The following KIF5C variants were observed in gnomAD, a reference collection of about 807,000 sequenced individuals.
The protein encoded by KIF5C is kinesin heavy chain isoform 5C.
Under a neutral mutation model 125.2 loss-of-function variants are expected in KIF5C, and 18 were observed. That is an observed-to-expected ratio of 0.14 (90% CI 0.10 to 0.21). The LOEUF (loss-of-function observed/expected upper bound fraction) is 0.21. Ranked by LOEUF, KIF5C falls within the 10% of genes least tolerant of loss-of-function variation. KIF5C has a pLI of 1.00. For missense variants in KIF5C, 780 were observed against 1,183.8 expected (o/e 0.66, Z 5.01); for synonymous variants, 405 against 434.0 (o/e 0.93, Z 0.83).
At chr2:148,981,333 C>T (rs374376486) in intron 13 of KIF5C, 22 bp from the exon 14 acceptor site, 3 of 1,592,506 alleles carry the variant, frequency 1.9e-6, no homozygotes, top group Non-Finnish European at 2.6e-6. Context: ...TTCACAAGTT[C>T]CATGCCATCT....
intron 14 of KIF5C, 112 bp downstream of exon 14, chr2:148,981,673 A>G: frequency 6.9e-7 from 1 of 1,442,072 alleles, no homozygotes; most frequent in Non-Finnish European, 9.1e-7. Flanking sequence ...ATAGTTATTC[A>G]GTGTTAGATG....
At chr2:148,979,639 C>G (rs1039233801) in intron 13 of KIF5C, among the ~76,000 whole-genome samples, 2 of 152,154 alleles carry the variant, frequency 1.3e-5, no homozygotes, top group African/African-American at 4.8e-5. Flanking sequence ...AGTCCTACTT[C>G]AGTTTTGCAA....
chr2:148,921,979 T>C (rs774364627), intron 1 of KIF5C, among the ~76,000 whole-genome samples, 158 bp from the exon 2 acceptor site: 1 of 152,266 alleles, frequency 6.6e-6, no homozygotes, highest in Non-Finnish European at 1.5e-5. Flanking sequence ...GTGTGGTTTA[T>C]GCTGTAAAAA....
In KIF5C at chr2:148,933,834, CAT is replaced by C. The variant is rs1682229304; in HGVS notation, c.292-3449_292-3448del. ...CACACAGACATATGCACACCAAACA[CAT>C]GTACACACACAGACACACCACACAC... On this transcript the variant is annotated intron_variant, in intron 3 of 25. Coordinates refer to ENST00000435030, the MANE Select transcript of KIF5C (RefSeq NM_004522.3). Among the ~76,000 whole-genome samples the C allele has an allele frequency of 1.3e-4, 20 of 151,366 alleles. No individual in the cohort carries two copies. The South Asian group carries it at 4.2e-3, about 32-fold the overall frequency.
intron 11 of KIF5C, among the ~76,000 whole-genome samples, chr2:148,966,999 A>G (rs1343728332): frequency 6.6e-6 from 1 of 152,198 alleles, no homozygotes; most frequent in Admixed American, 6.5e-5. Context: ...TAGCAGCTCC[A>G]GGTAAGACAG....
intron 25 of KIF5C, among the ~76,000 whole-genome samples, chr2:149,015,655 G>A (rs143455318): frequency 5.3e-5 from 8 of 152,312 alleles, no homozygotes; most frequent in Non-Finnish European, 1.0e-4. Flanking sequence ...TGCTGGCTTT[G>A]ATCTTATCTG....
At chr2:148,964,483 C>T (rs562338365) in intron 11 of KIF5C, among the ~76,000 whole-genome samples, 5 of 152,262 alleles carry the variant, frequency 3.3e-5, no homozygotes, top group African/African-American at 1.2e-4. Context: ...GATGTGGTCT[C>T]TTCCCTCAGG....
chr2:148,946,427 T>C (rs1314052306), intron 7 of KIF5C, among the ~76,000 whole-genome samples: 2 of 152,228 alleles, frequency 1.3e-5, no homozygotes, highest in African/African-American at 2.4e-5. Flanking sequence ...GTCTTAATCC[T>C]TCCTTAGGAA....
intron 18 of KIF5C, chr2:148,998,165 G>T: frequency 1.7e-6 from 1 of 599,786 alleles, no homozygotes; most frequent in Non-Finnish European, 2.9e-6. Context: ...TTTTTATTTA[G>T]TTGGTGGGCT....
In KIF5C at chr2:148,875,575, G is replaced by GCCCCCCCCCCCC; in HGVS notation, c.-37_-36insCCCCCCCCCCCC. 1.1e-5 allele frequency: 8 copies of GCCCCCCCCCCCC among 699,598 alleles called. No homozygotes were observed. Among genetic ancestry groups the GCCCCCCCCCCCC allele is most frequent in the African/African-American group, 1.8e-5 (1 of 55,562 alleles). The allele number at this position is 699,598 out of a possible 1,614,324, so 43.3% of individuals were successfully genotyped here. On this transcript the variant is annotated 5_prime_UTR_variant, in exon 1 of 26. Coordinates refer to ENST00000435030, the MANE Select transcript of KIF5C (RefSeq NM_004522.3). Reference sequence around the variant, plus strand: ...TCCTCCCTCGTCGTTCCCGGCCCCGGCCCCCCACCCATCCCCGTGCCCCCT... The same window carrying GCCCCCCCCCCCC: ...TCCTCCCTCGTCGTTCCCGGCCCCGGCCCCCCCCCCCCCCCCCCACCCATCCCCGTGCCCCCT...
At chr2:149,019,920 A>T (rs1251968846) in intron 25 of KIF5C, among the ~76,000 whole-genome samples, 1 of 152,180 alleles carries the variant, frequency 6.6e-6, no homozygotes, top group Non-Finnish European at 1.5e-5. Context: ...AAATCTGGTC[A>T]CACGTTGCCA....
At chr2:148,892,718 A>ACAGAGAAAGGATT (rs1681743426) in intron 1 of KIF5C, among the ~76,000 whole-genome samples, 1 of 152,222 alleles carries the variant, frequency 6.6e-6, no homozygotes, top group Non-Finnish European at 1.5e-5. Context: ...GGACCTGTCC[A>ACAGAGAAAGGATT]CAGAGAAAGG....
chr2:149,009,018 C>G (rs1682100897), intron 23 of KIF5C, among the ~76,000 whole-genome samples: 1 of 132,766 alleles, frequency 7.5e-6, no homozygotes, highest in Admixed American at 8.2e-5. Flanking sequence ...GAGGCAGAGT[C>G]TTGCTCTGTC....
At chr2:148,982,799 A>G (rs957327066) in intron 14 of KIF5C, among the ~76,000 whole-genome samples, 1 of 152,204 alleles carries the variant, frequency 6.6e-6, no homozygotes, top group African/African-American at 2.4e-5. Context: ...ACAGTTTTTA[A>G]TTTGCCATGA....
intron 15 of KIF5C, among the ~76,000 whole-genome samples, 168 bp downstream of exon 15, chr2:148,983,934 G>T (rs1220351436): frequency 6.6e-6 from 1 of 152,220 alleles, no homozygotes; most frequent in African/African-American, 2.4e-5. Flanking sequence ...TGAGTGAATT[G>T]TTTGTTGGGG....
chr2:148,915,320 C>T (rs1266340821), intron 1 of KIF5C, among the ~76,000 whole-genome samples: 1 of 152,176 alleles, frequency 6.6e-6, no homozygotes, highest in Admixed American at 6.5e-5. Flanking sequence ...ATCTATTGAG[C>T]ACCTGCCCTG....
At chr2:148,922,328 G>C in intron 2 of KIF5C, 101 bp downstream of exon 2, 1 of 677,374 alleles carries the variant, frequency 1.5e-6, no homozygotes, top group Non-Finnish European at 2.5e-6. Flanking sequence ...ACTGTAAGCA[G>C]AGGCCTGCTA....
intron 25 of KIF5C, among the ~76,000 whole-genome samples, chr2:149,012,889 T>C (rs1036926479): frequency 1.3e-5 from 2 of 152,238 alleles, no homozygotes; most frequent in Non-Finnish European, 2.9e-5. Flanking sequence ...AAAGTTGCTT[T>C]TGACTACATA....
Position 148,923,854 on chromosome 2 carries a change from G to A in KIF5C, c.217+1627G>A, listed in dbSNP as rs187881355. Among the ~76,000 whole-genome samples the A allele has an allele frequency of 9.2e-5, 14 of 152,278 alleles. No individual in the cohort carries two copies. The East Asian group carries it at 2.5e-3, about 27-fold the overall frequency. The stretch of plus-strand genomic sequence containing the variant: ...GTCTTTATTCACTAAAGAAGTTTGG[G>A]CCTCTTTCAATGTTCGGATTTCTCT... On this transcript the variant is annotated intron_variant, in intron 2 of 25. Coordinates refer to ENST00000435030, the MANE Select transcript of KIF5C (RefSeq NM_004522.3).
Sources: gnomAD v4.1 joint callset for allele counts (sites outside exome capture counted in the v4.1 genomes callset) on GRCh38, gnomAD v4.1.1 for gene constraint, MANE v1.5 for transcripts, NCBI Gene and HGNC (gene_info 2026-07-23, HGNC 2026-07-21) for gene names.